FANCA: variants seen among roughly 807,000 people sequenced by gnomAD.
FANCA encodes the protein Fanconi anemia group A protein.
A neutral mutation model predicts 194.3 loss-of-function variants in FANCA; 236 were observed. The ratio of observed to expected loss-of-function variants is 1.21; its 90% confidence interval spans 1.09 to 1.35. The LOEUF (loss-of-function observed/expected upper bound fraction) is 1.35, where lower values mean the gene tolerates loss of function less well. Among genes scored for constraint, FANCA ranks in the 40% most tolerant of loss-of-function variants. The probability of loss-of-function intolerance (pLI) is 0.00; values close to 1 mark genes in which losing one functional copy is unlikely to be tolerated. For synonymous variants in FANCA, 1,014 were observed against 715.8 expected, an observed-to-expected ratio of 1.42 and a Z score of -6.65; for missense variants, 2,628 against 1,813.9, an observed-to-expected ratio of 1.45 and a Z score of -8.15.
chr16:89,776,341 G>A (rs1974572), intron 20 of FANCA, among the ~76,000 whole-genome samples: 3 of 149,736 alleles, frequency 2.0e-5, no homozygotes, highest in Non-Finnish European at 4.4e-5. Flanking sequence ...CTAATTTTTT[G>A]TATTTTTAGT....
chr16:89,748,489 T>C (rs939724806), intron 33 of FANCA, among the ~76,000 whole-genome samples, 170 bp downstream of exon 33: 1 of 152,256 alleles, frequency 6.6e-6, no homozygotes, highest in African/African-American at 2.4e-5. Flanking sequence ...CCGTCCTGGC[T>C]GTGGGTGGGG....
In FANCA at chr16:89,782,820, G is replaced by A. The variant is rs151096851; in HGVS notation, c.1626+39C>T. The A allele has an allele frequency of 6.9e-5, 108 of 1,568,212 alleles. 1 individual carries two copies. The Admixed American group carries it at 1.3e-3, about 19-fold the overall frequency. On this transcript the variant is annotated intron_variant, in intron 17 of 42. Coordinates refer to ENST00000389301, the MANE Select transcript of FANCA (RefSeq NM_000135.4). ...GAAACTGGACCTTTGCATGGTGGGC[G>A]TGACTGGCTGAGACCCTGCAGGGCT...
chr16:89,779,026 G>A (rs202011283), intron 18 of FANCA, 23 bp from the exon 19 acceptor site: 10 of 1,611,472 alleles, frequency 6.2e-6, no homozygotes, highest in African/African-American at 1.3e-5. Flanking sequence ...GAAGCAGACA[G>A]TGCATCAGTC....
At chr16:89,812,151 C>T (rs879330027) in intron 3 of FANCA, among the ~76,000 whole-genome samples, 11 of 150,220 alleles carry the variant, frequency 7.3e-5, no homozygotes, top group East Asian at 2.0e-4. Context: ...CTGGCTAACA[C>T]GGTGAAACCC....
At chr16:89,783,155 T>TC in intron 15 of FANCA, 53 bp from the exon 16 acceptor site, 1 of 1,362,620 alleles carries the variant, frequency 7.3e-7, no homozygotes, top group Non-Finnish European at 1.0e-6. Flanking sequence ...TGCCTGGGAC[T>TC]CCAGGGAGGC....
chr16:89,766,664 G>A (rs1158760111), intron 27 of FANCA, among the ~76,000 whole-genome samples: 5 of 150,994 alleles, frequency 3.3e-5, no homozygotes, highest in African/African-American at 7.3e-5. Flanking sequence ...GCAGTGGGCC[G>A]AGATCGCACC....
intron 14 of FANCA, among the ~76,000 whole-genome samples, chr16:89,790,795 C>T (rs2040044397): frequency 6.6e-6 from 1 of 151,720 alleles, no homozygotes; most frequent in African/African-American, 2.4e-5. Context: ...AAGCAGCATC[C>T]ACTTCTGTGT....
rs550672603 is a variant in FANCA, at chr16:89,769,037, G to A, written c.2504+800C>T. Among the ~76,000 whole-genome samples the A allele has an allele frequency of 2.6e-5, 4 of 152,298 alleles. No homozygotes were observed. In the South Asian group the frequency reaches 8.3e-4, roughly 32 times the overall value. ...CCCCGAGGCCCATGTCTGAGGTGTG[G>A]GATCCGCACAGCTGCCATCTGACTC... is the stretch of plus-strand genomic sequence containing the variant. On this transcript the variant is annotated intron_variant, in intron 26 of 42. Transcript: ENST00000389301.
intron 15 of FANCA, among the ~76,000 whole-genome samples, chr16:89,783,709 C>A (rs8054489): frequency 0.2 from 30,303 of 152,050 alleles, 4,226 homozygotes; most frequent in East Asian, 0.61. Context: ...CCGGCCCCGG[C>A]CGCCTGCAGC....
intron 3 of FANCA, among the ~76,000 whole-genome samples, chr16:89,812,149 C>A (rs1363530650): frequency 6.7e-6 from 1 of 148,290 alleles, no homozygotes; most frequent in African/African-American, 2.5e-5. Context: ...TCCTGGCTAA[C>A]ACGGTGAAAC....
At chr16:89,739,602 T>G in intron 39 of FANCA, 49 bp from the exon 40 acceptor site, 2 of 1,541,334 alleles carry the variant, frequency 1.3e-6, no homozygotes, top group Non-Finnish European at 8.8e-7. Flanking sequence ...CTCTGCCTAT[T>G]ATCAGTGCTG....
chr16:89,776,067 A>G (rs2039490975), intron 20 of FANCA, among the ~76,000 whole-genome samples: 1 of 151,032 alleles, frequency 6.6e-6, no homozygotes, highest in African/African-American at 2.4e-5. Flanking sequence ...ACCACCAGTG[A>G]TTATCCCTGG....
At chr16:89,787,441 T>C (rs1415367296) in intron 14 of FANCA, among the ~76,000 whole-genome samples, 1 of 152,032 alleles carries the variant, frequency 6.6e-6, no homozygotes, top group Non-Finnish European at 1.5e-5. Context: ...GAGAATGGCG[T>C]GAACCCGGGA....
At chr16:89,761,855 G>C (rs750071914) in intron 29 of FANCA, 94 bp downstream of exon 29, 2 of 1,000,014 alleles carry the variant, frequency 2.0e-6, no homozygotes, top group Non-Finnish European at 3.2e-6. Flanking sequence ...CAAACTCCTG[G>C]ATTCAAGAGA....
In FANCA at chr16:89,791,420, A is replaced by G. The variant is rs1567635573; in HGVS notation, c.1342T>C (p.Tyr448His). 1.2e-6 allele frequency: 2 copies of G among 1,614,112 alleles called. No homozygotes were observed. The highest frequency in any genetic ancestry group is 1.1e-5 in the South Asian group (1 of 91,074). ...ALEGPSAFLS[Y>H]ADWFKASFGS... ...TCACTTACCTTGAACCAGTCTGCAT[A>G]TGACAGGAACGCAGAGGGGCCCTCC... Residue 448 changes from tyrosine (Y) to histidine (H), a missense_variant, in exon 14 of 43, where the codon TAT (tyrosine) becomes CAT (histidine). Physicochemically the swap from Tyr to His is moderately conservative, Grantham distance 83. Transcript: ENST00000389301.
chr16:89,776,008 T>C (rs1344580811), intron 20 of FANCA, among the ~76,000 whole-genome samples, 193 bp from the exon 21 acceptor site: 1 of 151,674 alleles, frequency 6.6e-6, no homozygotes, highest in Admixed American at 6.6e-5. Context: ...TGTTTCAAAA[T>C]ATATCATATT....
intron 15 of FANCA, among the ~76,000 whole-genome samples, chr16:89,783,455 G>A (rs912419505): frequency 2.6e-5 from 4 of 151,744 alleles, no homozygotes; most frequent in Admixed American, 6.6e-5. Flanking sequence ...GGAGACTGAG[G>A]CAGGAGAATG....
At chr16:89,815,799 T>C in intron 2 of FANCA, 78 bp downstream of exon 2, 2 of 1,182,386 alleles carry the variant, frequency 1.7e-6, no homozygotes, top group Admixed American at 3.4e-5. Context: ...GGTGTTTTCT[T>C]AGGAAAGCTG....
rs753571435 is a variant in FANCA, at chr16:89,737,809, T to C, written c.*792A>G. The C allele has an allele frequency of 1.2e-6, 2 of 1,613,688 alleles. No homozygotes were observed. Among genetic ancestry groups the C allele is most frequent in the Non-Finnish European group, 1.7e-6 (2 of 1,179,968 alleles). ...TCACTGGACTCTCCCCTCTCAGAGG[T>C]GCGGAACTATATCTGTGACGAATGT... On this transcript the variant is annotated 3_prime_UTR_variant, in exon 43 of 43. Coordinates refer to ENST00000389301, the MANE Select transcript of FANCA (RefSeq NM_000135.4).
Sources: gnomAD v4.1 joint callset for allele counts (sites outside exome capture counted in the v4.1 genomes callset) on GRCh38, gnomAD v4.1.1 for gene constraint, MANE v1.5 for transcripts, NCBI Gene and HGNC (gene_info 2026-07-23, HGNC 2026-07-21) for gene names.